Variants in BLTP1 observed in about 807,000 individuals in gnomAD.
BLTP1 encodes fragile site-associated protein.
At chr4:122,159,201 T>TG in the BLTP1 span, among the ~76,000 whole-genome samples, 1 of 152,130 alleles carries the variant, frequency 6.6e-6, no homozygotes, top group Non-Finnish European at 1.5e-5. Context: ...GGGTGGCTCA[T>TG]GCCTGTAATC....
At chr4:122,309,006 A>G in the BLTP1 span, among the ~76,000 whole-genome samples, 4 of 152,082 alleles carry the variant, frequency 2.6e-5, no homozygotes, top group Non-Finnish European at 4.4e-5. Flanking sequence ...TAGTGAGATC[A>G]TCTCCCCACA....
chr4:122,342,561 G>A, the BLTP1 span, among the ~76,000 whole-genome samples: 2 of 152,126 alleles, frequency 1.3e-5, no homozygotes, highest in African/African-American at 2.4e-5. Flanking sequence ...TCACCACATT[G>A]GTCAGGCTGG....
chr4:122,224,680 A>G, the BLTP1 span: 1 of 1,614,000 alleles, frequency 6.2e-7, no homozygotes. Flanking sequence ...CACCACAGGT[A>G]TGGTTTTCAG....
chr4:122,298,111 C>A, the BLTP1 span: 1 of 692,782 alleles, frequency 1.4e-6, no homozygotes, highest in Non-Finnish European at 1.8e-6. Flanking sequence ...ATAGATAGAT[C>A]ATAATAGTAG....
At chr4:122,251,669 C>T in the BLTP1 span, 1 of 903,498 alleles carries the variant, frequency 1.1e-6, no homozygotes, top group East Asian at 1.2e-4. Flanking sequence ...CTTGATCTCT[C>T]AGATCCTACT....
the BLTP1 span, chr4:122,281,978 T>A: frequency 5.1e-6 from 5 of 984,966 alleles, no homozygotes; most frequent in Non-Finnish European, 6.0e-6. Flanking sequence ...GAATGAACTC[T>A]TTTGAACTCC....
chr4:122,263,554 A>G, the BLTP1 span: 4 of 1,612,714 alleles, frequency 2.5e-6, no homozygotes, highest in African/African-American at 5.3e-5. Context: ...GAAGTGTGTT[A>G]CAAGAATCTC....
At chr4:122,194,717 T>C in the BLTP1 span, 2 of 826,060 alleles carry the variant, frequency 2.4e-6, no homozygotes, top group African/African-American at 3.7e-5. Flanking sequence ...AAACTGTATT[T>C]AATTTCATTA....
At chr4:122,360,893 T>A in the BLTP1 span, among the ~76,000 whole-genome samples, 2 of 152,366 alleles carry the variant, frequency 1.3e-5, no homozygotes, top group East Asian at 3.9e-4. Flanking sequence ...TTCCTTTTTT[T>A]AGCAAACTAT....
chr4:122,229,275 C>T, the BLTP1 span: 9 of 1,507,290 alleles, frequency 6.0e-6, no homozygotes, highest in South Asian at 2.6e-5. Context: ...AGTGCTTTTT[C>T]GTTTTTACTA....
At chr4:122,333,513 T>C in the BLTP1 span, 3 of 1,073,802 alleles carry the variant, frequency 2.8e-6, no homozygotes, top group East Asian at 2.9e-5. Context: ...TTGAGTTCAT[T>C]GTAGATTCTG....
the BLTP1 span, chr4:122,224,770 T>C: frequency 6.2e-7 from 1 of 1,600,692 alleles, no homozygotes; most frequent in Non-Finnish European, 8.5e-7. Context: ...GTTTGAATGT[T>C]CATTGCATTT....
At chr4:122,197,406 C>G in the BLTP1 span, 1 of 936,768 alleles carries the variant, frequency 1.1e-6, no homozygotes, top group Non-Finnish European at 1.4e-6. Context: ...TTTGATGTGC[C>G]TATACTCATT....
the BLTP1 span, chr4:122,194,431 T>G: frequency 1.9e-5 from 9 of 465,454 alleles, no homozygotes; most frequent in African/African-American, 1.9e-4. Flanking sequence ...TTCACATTAT[T>G]GGATTTAAAT....
the BLTP1 span, chr4:122,350,143 A>G: frequency 2.0e-6 from 3 of 1,513,952 alleles, no homozygotes; most frequent in East Asian, 7.4e-5. Context: ...TTTAATTTAA[A>G]ATAATAATAA....
the BLTP1 span, chr4:122,182,595 T>A: frequency 1.0e-6 from 1 of 957,236 alleles, no homozygotes; most frequent in South Asian, 4.8e-5. Flanking sequence ...CCTTGAGGAA[T>A]AAGGCATTCA....
the BLTP1 span, chr4:122,299,256 G>A: frequency 2.3e-6 from 1 of 439,532 alleles, no homozygotes. Context: ...CACTCAGTAA[G>A]CACTCAAATA....
chr4:122,224,073 C>A, the BLTP1 span: 6 of 982,612 alleles, frequency 6.1e-6, no homozygotes, highest in Non-Finnish European at 7.3e-6. Flanking sequence ...CTTTTCCCCA[C>A]CATTCTTCAT....
chr4:122,181,737 A>G, the BLTP1 span, among the ~76,000 whole-genome samples: 2 of 151,802 alleles, frequency 1.3e-5, no homozygotes, highest in African/African-American at 4.8e-5. Context: ...TTATTCCTGC[A>G]TTACTATTTG....
Sources: allele counts gnomAD v4.1 joint callset (sites outside exome capture counted in the v4.1 genomes callset), GRCh38; gene constraint gnomAD v4.1.1; transcripts MANE v1.5; gene names NCBI Gene and HGNC (gene_info 2026-07-23, HGNC 2026-07-21).